ANKRD12: variants seen among roughly 807,000 people sequenced by gnomAD.
The protein encoded by ANKRD12 is ankyrin repeat domain 12, also known as ankyrin repeat domain-containing protein 12.
In ANKRD12, 85 loss-of-function variants were observed where a neutral mutation model predicts 183.4. That is an observed-to-expected ratio of 0.46 (90% CI 0.39 to 0.56). The LOEUF (loss-of-function observed/expected upper bound fraction) is 0.56. Ranked by LOEUF, ANKRD12 falls within the 20% of genes least tolerant of loss-of-function variation. The pLI, the probability that ANKRD12 is intolerant of heterozygous loss-of-function variation, is 0.00. For synonymous variants in ANKRD12, 914 were observed against 800.2 expected (o/e 1.14, Z -2.40); for missense variants, 2,405 against 2,357.1 (o/e 1.02, Z -0.42).
intron 10 of ANKRD12, among the ~76,000 whole-genome samples, chr18:9,274,143 A>G (rs2039726328): frequency 6.6e-6 from 1 of 152,204 alleles, no homozygotes; most frequent in Non-Finnish European, 1.5e-5. Context: ...CATCTTTCCC[A>G]TGGGAGTTTT....
intron 8 of ANKRD12, among the ~76,000 whole-genome samples, chr18:9,250,973 T>C (rs1030543508): frequency 6.6e-5 from 10 of 152,176 alleles, no homozygotes; most frequent in Non-Finnish European, 1.5e-4. Context: ...GTTAGTTGAC[T>C]AGAAGTTTTT....
At chr18:9,219,371 C>T (rs2036288263) in intron 7 of ANKRD12, among the ~76,000 whole-genome samples, 1 of 152,102 alleles carries the variant, frequency 6.6e-6, no homozygotes, top group African/African-American at 2.4e-5. Flanking sequence ...ATTTTTATTT[C>T]AGTTACTTTC....
chr18:9,254,924 A>G lies in ANKRD12; in HGVS notation c.1657A>G (p.Lys553Glu), dbSNP rs780565299. ...SPKHSCGLSE[K>E]QSTPLKQEHT... ...CAAACATTCTTGTGGATTAAGTGAA[A>G]AACAGTCAACACCACTAAAACAAGA... Residue 553 changes from lysine (K) to glutamate (E), a missense_variant, in exon 9 of 13, where the codon AAA becomes GAA. Transcript: ENST00000262126. The G allele has an allele frequency of 3.2e-6, 5 of 1,580,040 alleles. No homozygotes were observed. Among genetic ancestry groups the G allele is most frequent in the Admixed American group, 1.9e-5 (1 of 51,304 alleles).
At chr18:9,199,848 T>C (rs373368671) in intron 3 of ANKRD12, among the ~76,000 whole-genome samples, 1 of 152,228 alleles carries the variant, frequency 6.6e-6, no homozygotes, top group Non-Finnish European at 1.5e-5. Flanking sequence ...TGTTGTTTTA[T>C]GTGTTTAGAG....
chr18:9,138,455 G>GT (rs768127643), intron 1 of ANKRD12, among the ~76,000 whole-genome samples: 62 of 152,352 alleles, frequency 4.1e-4, no homozygotes, highest in Admixed American at 7.2e-4. Flanking sequence ...AGAGGTTGCA[G>GT]TGAGCCGAGA....
chr18:9,225,416 A>T (rs1363165980), intron 8 of ANKRD12, among the ~76,000 whole-genome samples: 2 of 99,458 alleles, frequency 2.0e-5, no homozygotes, highest in African/African-American at 5.9e-5. Context: ...GGAGGTTGCA[A>T]GGAGCTGAGG....
chr18:9,149,339 T>C (rs1346888085), intron 1 of ANKRD12, among the ~76,000 whole-genome samples: 1 of 152,222 alleles, frequency 6.6e-6, no homozygotes, highest in African/African-American at 2.4e-5. Flanking sequence ...CACACTTAAA[T>C]AAGTTAACAT....
At chr18:9,165,989 C>T (rs1259162547) in intron 1 of ANKRD12, among the ~76,000 whole-genome samples, 11 of 150,702 alleles carry the variant, frequency 7.3e-5, no homozygotes, top group Non-Finnish European at 1.0e-4. Flanking sequence ...TTTGTCCTTG[C>T]GATAGTTTGC....
chr18:9,162,044 G>C (rs148195048), intron 1 of ANKRD12, among the ~76,000 whole-genome samples: 3 of 151,956 alleles, frequency 2.0e-5, no homozygotes, highest in Non-Finnish European at 4.4e-5. Context: ...TTTTCCTTCA[G>C]CTTTTAAGTT....
At chr18:9,157,585 G>GTGTGTGTGTA (rs1472659778) in intron 1 of ANKRD12, among the ~76,000 whole-genome samples, 52 of 92,676 alleles carry the variant, frequency 5.6e-4, no homozygotes, top group African/African-American at 1.9e-3. Context: ...GTGTGTGTGT[G>GTGTGTGTGTA]TATATATATA....
At chr18:9,211,180 C>T (rs569325081) in intron 5 of ANKRD12, among the ~76,000 whole-genome samples, 3 of 151,952 alleles carry the variant, frequency 2.0e-5, no homozygotes, top group Non-Finnish European at 4.4e-5. Context: ...AGAAGAACTC[C>T]AATGCTTTGT....
At chr18:9,224,872 A>G (rs1318812603) in intron 8 of ANKRD12, among the ~76,000 whole-genome samples, 3 of 152,234 alleles carry the variant, frequency 2.0e-5, no homozygotes, top group Non-Finnish European at 4.4e-5. Flanking sequence ...ATGGTTAAGT[A>G]TCTTCTATAT....
chr18:9,152,059 A>G (rs1356554361), intron 1 of ANKRD12, among the ~76,000 whole-genome samples: 1 of 152,210 alleles, frequency 6.6e-6, no homozygotes. Flanking sequence ...TCAATACTTA[A>G]AAAACAAAAA....
At chr18:9,199,288 G>T (rs1416286780) in intron 3 of ANKRD12, among the ~76,000 whole-genome samples, 3 of 152,120 alleles carry the variant, frequency 2.0e-5, no homozygotes, top group Non-Finnish European at 4.4e-5. Context: ...CGTAATATGG[G>T]AAGGTGATCA....
At chr18:9,270,067 C>T (rs2039511550) in intron 10 of ANKRD12, among the ~76,000 whole-genome samples, 1 of 152,152 alleles carries the variant, frequency 6.6e-6, no homozygotes, top group Non-Finnish European at 1.5e-5. Context: ...AATGAGATAC[C>T]ATCTCACACC....
At chr18:9,243,901 T>G (rs2037800397) in intron 8 of ANKRD12, among the ~76,000 whole-genome samples, 1 of 152,178 alleles carries the variant, frequency 6.6e-6, no homozygotes, top group African/African-American at 2.4e-5. Flanking sequence ...TTGGGGAGGC[T>G]GAGGAGGGTG....
chr18:9,226,057 A>G (rs72937302), intron 8 of ANKRD12, among the ~76,000 whole-genome samples: 10,028 of 152,246 alleles, frequency 0.066, 362 homozygotes, highest in Non-Finnish European at 0.083. Context: ...TAATTCTTAA[A>G]TATAATGTAT....
At chr18:9,233,602 TGTTA>T (rs201143068) in intron 8 of ANKRD12, among the ~76,000 whole-genome samples, 1,575 of 152,212 alleles carry the variant, frequency 0.01, 22 homozygotes, top group African/African-American at 0.036. Flanking sequence ...ATATCAATGG[TGTTA>T]GTTGGATAGG....
At chr18:9,217,935 G>A (rs1021480839) in intron 7 of ANKRD12, among the ~76,000 whole-genome samples, 6 of 152,156 alleles carry the variant, frequency 3.9e-5, no homozygotes, top group African/African-American at 1.4e-4. Context: ...CTGAGGATAG[G>A]CAGAATGACA....
Sources: gnomAD v4.1 joint callset for allele counts (sites outside exome capture counted in the v4.1 genomes callset) on GRCh38, gnomAD v4.1.1 for gene constraint, MANE v1.5 for transcripts, NCBI Gene and HGNC (gene_info 2026-07-23, HGNC 2026-07-21) for gene names.